LDLRAD3: variants seen among roughly 807,000 people sequenced by gnomAD.
The protein encoded by LDLRAD3 is low density lipoprotein receptor class A domain containing 3, also known as low-density lipoprotein receptor class A domain-containing protein 3.
A neutral mutation model predicts 29.4 loss-of-function variants in LDLRAD3; 20 were observed. The ratio of observed to expected loss-of-function variants is 0.68; its 90% CI spans 0.48 to 0.99. The LOEUF is 0.99. Ranked by LOEUF, LDLRAD3 falls within the 50% of genes least tolerant of loss-of-function variation. LDLRAD3 has a pLI of 0.00. For missense variants in LDLRAD3, 420 were observed against 454.3 expected (o/e 0.92, Z 0.69); for synonymous variants, 157 against 192.7 (o/e 0.81, Z 1.53).
intron 1 of LDLRAD3, among the ~76,000 whole-genome samples, chr11:35,956,998 G>A (rs919852028): frequency 6.6e-6 from 1 of 152,196 alleles, no homozygotes; most frequent in Non-Finnish European, 1.5e-5. Context: ...GCCTCCCAAA[G>A]TGCTGGGATT....
intron 2 of LDLRAD3, among the ~76,000 whole-genome samples, chr11:36,062,158 A>G (rs2133234699): frequency 6.6e-6 from 1 of 152,270 alleles, no homozygotes; most frequent in Non-Finnish European, 1.5e-5. Context: ...TAAGGTGTAG[A>G]TCCAGGATTT....
intron 1 of LDLRAD3, among the ~76,000 whole-genome samples, chr11:35,995,717 C>T (rs142289388): frequency 6.6e-6 from 1 of 152,230 alleles, no homozygotes; most frequent in African/African-American, 2.4e-5. Flanking sequence ...TATCAGTGAT[C>T]TTAGCTATCT....
intron 1 of LDLRAD3, among the ~76,000 whole-genome samples, chr11:35,961,614 C>T (rs1473306225): frequency 6.6e-6 from 1 of 152,168 alleles, no homozygotes; most frequent in East Asian, 1.9e-4. Flanking sequence ...TATCTCAAAC[C>T]CCCAGTGCCT....
At position 36,227,508 on chromosome 11, in the gene LDLRAD3, T is replaced by A. The variant is rs541828761; in HGVS notation, c.800+78T>A. 2.2e-5 allele frequency: 25 copies of A among 1,128,418 alleles called. No homozygotes were observed. In the South Asian group the frequency reaches 4.1e-4, roughly 18 times the overall value. The allele number at this position is 1,128,418 out of a possible 1,614,324, so 69.9% of individuals were successfully genotyped here. On this transcript the variant is annotated intron_variant, in intron 5 of 5. Coordinates refer to ENST00000315571, the MANE Select transcript of LDLRAD3 (RefSeq NM_174902.4). Reference sequence around the variant, plus strand: ...GGGGAATAGGTGCACACACTGAGGTTCTTAGGTCTTGCCAAGAGCCTGGCT... The same window carrying A: ...GGGGAATAGGTGCACACACTGAGGTACTTAGGTCTTGCCAAGAGCCTGGCT...
intron 4 of LDLRAD3, among the ~76,000 whole-genome samples, chr11:36,149,679 C>T (rs953425528): frequency 3.9e-5 from 6 of 152,184 alleles, no homozygotes; most frequent in Non-Finnish European, 7.3e-5. Context: ...TGTCCTGCCA[C>T]GTTTGTCTCA....
At chr11:36,020,701 G>A (rs1228167801) in intron 1 of LDLRAD3, among the ~76,000 whole-genome samples, 2 of 152,150 alleles carry the variant, frequency 1.3e-5, no homozygotes, top group African/African-American at 2.4e-5. Flanking sequence ...GTGGGGGCTT[G>A]TACATTGTCT....
chr11:36,138,681 C>T (rs1854036695), intron 4 of LDLRAD3, among the ~76,000 whole-genome samples: 1 of 152,252 alleles, frequency 6.6e-6, no homozygotes, highest in Non-Finnish European at 1.5e-5. Context: ...TGCCCTTACA[C>T]ATCTTACTTG....
chr11:36,094,628 C>T (rs1301890333), intron 3 of LDLRAD3, among the ~76,000 whole-genome samples: 2 of 152,170 alleles, frequency 1.3e-5, no homozygotes, highest in African/African-American at 4.8e-5. Flanking sequence ...TTCTGCCTCT[C>T]AGGCTCAAGT....
At chr11:36,144,731 G>A (rs1304723819) in intron 4 of LDLRAD3, among the ~76,000 whole-genome samples, 2 of 135,676 alleles carry the variant, frequency 1.5e-5, no homozygotes, top group Admixed American at 7.1e-5. Context: ...GTCTCCGCCC[G>A]GCAGCCACCC....
At chr11:35,998,431 C>G (rs79458380) in intron 1 of LDLRAD3, among the ~76,000 whole-genome samples, 12 of 152,286 alleles carry the variant, frequency 7.9e-5, no homozygotes, top group African/African-American at 2.9e-4. Flanking sequence ...CTGCCAGGCT[C>G]CTTTCAGCCA....
chr11:36,156,036 A>G (rs1451206428), intron 4 of LDLRAD3, among the ~76,000 whole-genome samples: 1 of 152,208 alleles, frequency 6.6e-6, no homozygotes, highest in Non-Finnish European at 1.5e-5. Flanking sequence ...CTAGTTGCAC[A>G]TTAGAATCAC....
intron 3 of LDLRAD3, among the ~76,000 whole-genome samples, chr11:36,086,176 G>T (rs747560058): frequency 4.6e-5 from 7 of 152,078 alleles, no homozygotes; most frequent in Non-Finnish European, 7.4e-5. Context: ...GTGTGTGATT[G>T]CTTACTCGAG....
intron 2 of LDLRAD3, among the ~76,000 whole-genome samples, chr11:36,056,325 A>G (rs987362933): frequency 1.3e-5 from 2 of 152,086 alleles, no homozygotes; most frequent in Admixed American, 6.6e-5. Flanking sequence ...ACTGAATTTT[A>G]TATAATAGGC....
At chr11:35,998,784 C>T (rs951314773) in intron 1 of LDLRAD3, among the ~76,000 whole-genome samples, 17 of 152,116 alleles carry the variant, frequency 1.1e-4, no homozygotes, top group East Asian at 1.9e-4. Flanking sequence ...TGCTTTTGTT[C>T]GAAATGGCCC....
At chr11:36,026,787 A>G (rs1350562346) in intron 1 of LDLRAD3, among the ~76,000 whole-genome samples, 2 of 152,196 alleles carry the variant, frequency 1.3e-5, no homozygotes, top group East Asian at 3.8e-4. Flanking sequence ...AAGTTACCCT[A>G]TATGGTCTAA....
At chr11:36,158,769 C>G (rs376971396) in intron 4 of LDLRAD3, among the ~76,000 whole-genome samples, 2 of 152,096 alleles carry the variant, frequency 1.3e-5, no homozygotes, top group East Asian at 3.9e-4. Flanking sequence ...AAATGATAGC[C>G]TCTTCTTACT....
intron 4 of LDLRAD3, among the ~76,000 whole-genome samples, chr11:36,125,091 T>A (rs16928430): frequency 0.022 from 3,397 of 152,258 alleles, 124 homozygotes; most frequent in African/African-American, 0.078. Flanking sequence ...AGTATTATTG[T>A]TCACAGTGTC....
chr11:36,154,473 T>G (rs1422364636), intron 4 of LDLRAD3, among the ~76,000 whole-genome samples: 1 of 152,218 alleles, frequency 6.6e-6, no homozygotes, highest in Admixed American at 6.5e-5. Context: ...CAGCTCCGCC[T>G]GTGGTCACAT....
chr11:35,976,552 G>A (rs1401509651), intron 1 of LDLRAD3, among the ~76,000 whole-genome samples: 1 of 152,104 alleles, frequency 6.6e-6, no homozygotes, highest in Non-Finnish European at 1.5e-5. Flanking sequence ...GTCAGGAAGG[G>A]GATGCTAGTA....
Sources: allele counts gnomAD v4.1 joint callset (sites outside exome capture counted in the v4.1 genomes callset), GRCh38; gene constraint gnomAD v4.1.1; transcripts MANE v1.5; gene names NCBI Gene and HGNC (gene_info 2026-07-23, HGNC 2026-07-21).